The following WLS variants were observed in gnomAD, a reference collection of about 807,000 sequenced individuals.
The protein encoded by WLS is protein wntless homolog.
A neutral mutation model predicts 62.8 loss-of-function variants in WLS; 23 were observed. The ratio of observed to expected loss-of-function variants is 0.37; its 90% CI spans 0.26 to 0.52. The LOEUF is 0.52. Among genes scored for constraint, WLS ranks in the 20% least tolerant of loss-of-function variants. The pLI is 0.92. For synonymous variants in WLS, 246 were observed against 244.1 expected, an observed-to-expected ratio of 1.01 and a Z score of -0.07; for missense variants, 615 against 697.3, an observed-to-expected ratio of 0.88 and a Z score of 1.33.
intron 2 of WLS, among the ~76,000 whole-genome samples, chr1:68,166,770 G>C (rs928125475): frequency 4.6e-5 from 7 of 152,138 alleles, no homozygotes; most frequent in African/African-American, 1.7e-4. Context: ...ATGTTCTGCC[G>C]TCTCTTCACG....
chr1:68,184,119 C>T (rs1647761818), intron 2 of WLS, among the ~76,000 whole-genome samples: 1 of 152,190 alleles, frequency 6.6e-6, no homozygotes, highest in Admixed American at 6.5e-5. Flanking sequence ...AGATTTACTA[C>T]TCAAGACACA....
chr1:68,149,708 G>A (rs932035400), intron 6 of WLS, among the ~76,000 whole-genome samples: 8 of 152,076 alleles, frequency 5.3e-5, no homozygotes, highest in African/African-American at 1.4e-4. Context: ...AGAGTAATAG[G>A]GGTTACTAGG....
Position 68,162,218 on chromosome 1 carries a change from C to T in WLS, c.380-2971G>A, listed in dbSNP as rs796097338. 6 of 1,475,252 alleles carry T rather than the reference C, an allele frequency of 4.1e-6. No homozygotes were observed. The South Asian group carries it at 4.5e-5, about 11-fold the overall frequency. 91.4% of individuals were successfully genotyped at this position (1,475,252 alleles called of 1,614,324 possible). On this transcript the variant is annotated intron_variant, in intron 2 of 11. Coordinates refer to ENST00000262348, the MANE Select transcript of WLS (RefSeq NM_024911.7). Reference sequence around the variant, plus strand: ...GACTCACGCACATAGAGGGCTGCCCCTCGTATCCTGCCCTCCTTGAGAGCT... The same window carrying T: ...GACTCACGCACATAGAGGGCTGCCCTTCGTATCCTGCCCTCCTTGAGAGCT...
chr1:68,124,257 G>A (rs1402507247), downstream of WLS, among the ~76,000 whole-genome samples: 5 of 152,078 alleles, frequency 3.3e-5, 1 homozygote, highest in Admixed American at 1.3e-4. Context: ...CATTCTGATC[G>A]TATCACTTTT....
At chr1:68,187,292 AT>A (rs1188967919) in intron 2 of WLS, among the ~76,000 whole-genome samples, 1 of 150,996 alleles carries the variant, frequency 6.6e-6, no homozygotes, top group Non-Finnish European at 1.5e-5. Flanking sequence ...TAAGAAAGTT[AT>A]TTTATACATT....
At chr1:68,138,049 T>G (rs1646636275) in intron 10 of WLS, 116 bp from the exon 11 acceptor site, 1 of 1,155,912 alleles carries the variant, frequency 8.7e-7, no homozygotes, top group Non-Finnish European at 1.2e-6. Context: ...GTGGGAAACA[T>G]GAAGGGCCAT....
chr1:68,168,979 C>T (rs895481326), intron 2 of WLS, among the ~76,000 whole-genome samples: 54 of 152,234 alleles, frequency 3.5e-4, no homozygotes, highest in Non-Finnish European at 6.9e-4. Flanking sequence ...AGATGCCCTA[C>T]AGGCCTGGGT....
chr1:68,159,741 T>C (rs1176923974), intron 2 of WLS, among the ~76,000 whole-genome samples: 4 of 152,232 alleles, frequency 2.6e-5, no homozygotes, highest in African/African-American at 9.6e-5. Flanking sequence ...CTGGTCACAC[T>C]CTGTCTGAAA....
intron 11 of WLS, among the ~76,000 whole-genome samples, chr1:68,104,373 A>G (rs1646117773): frequency 6.6e-6 from 1 of 152,152 alleles, no homozygotes; most frequent in African/African-American, 2.4e-5. Context: ...CTCTTTTGGA[A>G]ACATAATAGT....
chr1:68,205,619 G>T (rs1476834460), intron 1 of WLS, among the ~76,000 whole-genome samples: 2 of 152,198 alleles, frequency 1.3e-5, no homozygotes, highest in African/African-American at 4.8e-5. Context: ...TCAGCCTTTA[G>T]TGTATATAAC....
chr1:68,187,206 A>AAAAAAAAAAAAAAAAAAAAAAAAAAG (rs1223492412), intron 2 of WLS, among the ~76,000 whole-genome samples: 1 of 150,792 alleles, frequency 6.6e-6, no homozygotes, highest in Non-Finnish European at 1.5e-5. Context: ...AAAAAAAAAA[A>AAAAAAAAAAAAAAAAAAAAAAAAAAG]AAAAATTAGC....
intron 11 of WLS, among the ~76,000 whole-genome samples, chr1:68,107,414 A>G (rs997972219): frequency 2.6e-5 from 4 of 152,130 alleles, no homozygotes; most frequent in Admixed American, 6.5e-5. Flanking sequence ...GAGTGACAAG[A>G]GTTTAGGTTC....
Position 68,155,244 on chromosome 1 carries a change from C to G in WLS, c.521G>C (p.Gly174Ala). 6.2e-7 allele frequency: 1 copy of G among 1,613,126 alleles called. No individual in the cohort carries two copies. Among genetic ancestry groups the G allele is most frequent in the Non-Finnish European group, 8.5e-7 (1 of 1,179,536 alleles). ...FTSPKTPEHE[G>A]RYYECDVLPF... ...AAGGACATCACATTCATAGTAACGGCCCTCATGCTCTGGAGTCTGGAAAAA... is the reference window on the plus strand; with the variant it reads ...AAGGACATCACATTCATAGTAACGGGCCTCATGCTCTGGAGTCTGGAAAAA... The change falls in exon 4 of 12, where the codon GGC becomes GCC. Residue 174 changes from glycine to alanine, a missense_variant. Coordinates refer to ENST00000262348, the MANE Select transcript of WLS (RefSeq NM_024911.7).
At chr1:68,106,147 T>C (rs1201342417) in intron 11 of WLS, among the ~76,000 whole-genome samples, 1 of 152,212 alleles carries the variant, frequency 6.6e-6, no homozygotes, top group Admixed American at 6.5e-5. Flanking sequence ...CCCATAGCAA[T>C]GCTCTATATT....
At chr1:68,145,788 C>T (rs1646744821) in intron 9 of WLS, 81 bp downstream of exon 9, 10 of 1,558,296 alleles carry the variant, frequency 6.4e-6, no homozygotes, top group Non-Finnish European at 8.7e-6. Flanking sequence ...GGCTTTCTAT[C>T]TCCAGGGTGT....
chr1:68,130,170 A>T (rs1216118048), intron 11 of WLS, among the ~76,000 whole-genome samples: 2 of 152,228 alleles, frequency 1.3e-5, no homozygotes, highest in African/African-American at 4.8e-5. Flanking sequence ...GCAGCATTTT[A>T]ATGACAATTG....
At chr1:68,169,171 C>T (rs1413736153) in intron 2 of WLS, among the ~76,000 whole-genome samples, 2 of 152,180 alleles carry the variant, frequency 1.3e-5, no homozygotes, top group African/African-American at 4.8e-5. Flanking sequence ...TATTCTGATG[C>T]ATTATCATCT....
At chr1:68,190,499 C>T (rs1648227993) in intron 2 of WLS, among the ~76,000 whole-genome samples, 2 of 152,340 alleles carry the variant, frequency 1.3e-5, no homozygotes, top group South Asian at 4.1e-4. Flanking sequence ...TCCAGCACTG[C>T]TCAGGCTCTC....
intron 2 of WLS, among the ~76,000 whole-genome samples, chr1:68,160,945 C>T (rs1646963597): frequency 6.6e-6 from 1 of 152,098 alleles, no homozygotes. Context: ...TTATCAATGT[C>T]TAAAAAAGTG....
Sources: allele counts gnomAD v4.1 joint callset (sites outside exome capture counted in the v4.1 genomes callset), GRCh38; gene constraint gnomAD v4.1.1; transcripts MANE v1.5; gene names NCBI Gene and HGNC (gene_info 2026-07-23, HGNC 2026-07-21).